The following MAML3 variants were observed in gnomAD, a reference collection of about 807,000 sequenced individuals.
MAML3 encodes the protein mastermind-like protein 3.
A neutral mutation model predicts 101.9 loss-of-function variants in MAML3; 27 were observed. That is an observed-to-expected ratio of 0.27 (90% confidence interval 0.20 to 0.37). MAML3 has a LOEUF of 0.37. Ranked by LOEUF, MAML3 falls within the 10% of genes least tolerant of loss-of-function variation. The pLI is 1.00. For missense variants in MAML3, 1,316 were observed against 1,444.9 expected, an observed-to-expected ratio of 0.91 and a Z score of 1.45; for synonymous variants, 501 against 555.9, an observed-to-expected ratio of 0.90 and a Z score of 1.39.
At chr4:139,781,161 G>A (rs994626722) in intron 2 of MAML3, among the ~76,000 whole-genome samples, 9 of 152,056 alleles carry the variant, frequency 5.9e-5, no homozygotes, top group African/African-American at 1.7e-4. Flanking sequence ...ATTTACCACC[G>A]TCAAAGGTGT....
At chr4:139,940,909 T>A (rs749540942) in intron 1 of MAML3, among the ~76,000 whole-genome samples, 2 of 152,164 alleles carry the variant, frequency 1.3e-5, no homozygotes, top group Non-Finnish European at 2.9e-5. Flanking sequence ...AACTTAGGAG[T>A]TGGTTCAATT....
At chr4:140,047,946 A>C (rs1727208726) in intron 1 of MAML3, among the ~76,000 whole-genome samples, 11 of 152,176 alleles carry the variant, frequency 7.2e-5, no homozygotes, top group Admixed American at 7.2e-4. Context: ...AGACAAGAAC[A>C]AAAACATTCC....
intron 1 of MAML3, among the ~76,000 whole-genome samples, chr4:140,145,466 T>C (rs889933003): frequency 2.0e-5 from 3 of 152,308 alleles, no homozygotes; most frequent in Non-Finnish European, 4.4e-5. Flanking sequence ...CAATGGGAGG[T>C]CCAATATAAT....
intron 1 of MAML3, among the ~76,000 whole-genome samples, chr4:140,074,621 G>A (rs1009813488): frequency 1.3e-5 from 2 of 152,146 alleles, no homozygotes; most frequent in African/African-American, 4.8e-5. Flanking sequence ...ATGCTACTGT[G>A]CTGCTTAGTT....
chr4:139,929,965 C>T (rs1733348744), intron 1 of MAML3, among the ~76,000 whole-genome samples: 1 of 152,156 alleles, frequency 6.6e-6, no homozygotes, highest in South Asian at 2.1e-4. Context: ...GGGAATGGGT[C>T]CTCACTGAGT....
intron 1 of MAML3, among the ~76,000 whole-genome samples, chr4:140,145,149 A>G (rs1416997962): frequency 6.6e-6 from 1 of 152,184 alleles, no homozygotes; most frequent in Non-Finnish European, 1.5e-5. Flanking sequence ...CGGGAGGTGG[A>G]GAAAGATGTT....
chr4:139,748,234 T>C (rs66832035), intron 2 of MAML3, among the ~76,000 whole-genome samples: 10,302 of 151,974 alleles, frequency 0.068, 539 homozygotes, highest in East Asian at 0.25. Context: ...AAGATGGGAA[T>C]TGAGGTTTGG....
At chr4:139,993,697 G>A (rs899578379) in intron 1 of MAML3, among the ~76,000 whole-genome samples, 32 of 151,652 alleles carry the variant, frequency 2.1e-4, no homozygotes, top group South Asian at 1.0e-3. Flanking sequence ...GTGTGGTGGC[G>A]GGCACCTGTA....
chr4:140,039,874 C>T, intron 1 of MAML3, among the ~76,000 whole-genome samples: 1 of 152,108 alleles, frequency 6.6e-6, no homozygotes, highest in Non-Finnish European at 1.5e-5. Context: ...TCCTCTTATC[C>T]CTACCCCTCA....
intron 1 of MAML3, among the ~76,000 whole-genome samples, chr4:140,100,582 A>G (rs778268969): frequency 6.6e-6 from 1 of 152,184 alleles, no homozygotes; most frequent in Non-Finnish European, 1.5e-5. Context: ...GGAGCAAGCC[A>G]TTCCCAAAGT....
intron 1 of MAML3, among the ~76,000 whole-genome samples, chr4:140,096,204 C>T (rs918219096): frequency 5.9e-5 from 9 of 152,202 alleles, no homozygotes; most frequent in Admixed American, 4.6e-4. Flanking sequence ...AACTTACGCA[C>T]TTTGGGGTAC....
At chr4:140,103,620 G>A (rs1282205772) in intron 1 of MAML3, among the ~76,000 whole-genome samples, 3 of 152,200 alleles carry the variant, frequency 2.0e-5, no homozygotes, top group Admixed American at 1.3e-4. Context: ...CAACTTTACA[G>A]AAAGCATGAA....
chr4:139,801,197 G>C (rs1400354731), intron 2 of MAML3, among the ~76,000 whole-genome samples: 1 of 152,252 alleles, frequency 6.6e-6, no homozygotes, highest in Non-Finnish European at 1.5e-5. Context: ...AGGACACTGA[G>C]TTGCCTGACA....
In MAML3 at chr4:139,823,771, C is replaced by A. The variant is rs116812125; in HGVS notation, c.2079+65586G>T. On this transcript the variant is annotated intron_variant, in intron 2 of 4. Transcript: ENST00000509479. ...ACGTAAGCTGCACAAGGGCAGAGTT[C>A]CTATTCTTTTTTATCCGCTCACAGA... 6.1e-3 allele frequency among the ~76,000 whole-genome samples: 926 copies of A among 150,930 alleles called. 13 individuals are homozygous for A. Among genetic ancestry groups the A allele is most frequent in the African/African-American group, 0.021 (858 of 41,058 alleles).
At chr4:139,910,041 T>C (rs1030584032) in intron 1 of MAML3, among the ~76,000 whole-genome samples, 2 of 151,992 alleles carry the variant, frequency 1.3e-5, no homozygotes, top group African/African-American at 4.8e-5. Context: ...TAAAACATCA[T>C]CAAGAAAGTA....
chr4:140,099,220 G>C (rs2110993500), intron 1 of MAML3, among the ~76,000 whole-genome samples: 1 of 140,550 alleles, frequency 7.1e-6, no homozygotes, highest in East Asian at 2.1e-4. Context: ...TGTTCACATT[G>C]GAAGTATATC....
chr4:139,990,906 A>G lies in MAML3; in HGVS notation c.469-99939T>C, dbSNP rs887224026. ...ACTGTTCAATGAAATAAAAGAGGAT[A>G]CGAAGAAATGGAAGAACATTCCATG... On this transcript the variant is annotated intron_variant, in intron 1 of 4. Coordinates refer to ENST00000509479, the MANE Select transcript of MAML3 (RefSeq NM_018717.5). Among the ~76,000 whole-genome samples the G allele has an allele frequency of 5.3e-5, 8 of 152,344 alleles. 1 individual carries two copies. Among genetic ancestry groups the G allele is most frequent in the African/African-American group, 1.9e-4 (8 of 41,578 alleles).
At chr4:139,902,645 C>T (rs960767256) in intron 1 of MAML3, among the ~76,000 whole-genome samples, 2 of 152,214 alleles carry the variant, frequency 1.3e-5, no homozygotes, top group African/African-American at 2.4e-5. Context: ...ACACATTCAG[C>T]CCGTAAACAG....
At position 139,891,029 on chromosome 4, in the gene MAML3, T is replaced by C. The variant is rs182878835; in HGVS notation, c.469-62A>G. 1.5e-4 allele frequency: 233 copies of C among 1,536,900 alleles called. No individual in the cohort carries two copies. In the East Asian group the frequency reaches 4.0e-3, roughly 27 times the overall value. On this transcript the variant is annotated intron_variant, in intron 1 of 4. Transcript: ENST00000509479. ...CAAGTCATATTTTACTCTTTAAGGA[T>C]TGAGATGTGCATTGCGATGAACTAA...
Sources: allele counts gnomAD v4.1 joint callset (sites outside exome capture counted in the v4.1 genomes callset), GRCh38; gene constraint gnomAD v4.1.1; transcripts MANE v1.5; gene names NCBI Gene and HGNC (gene_info 2026-07-23, HGNC 2026-07-21).